Variants in PLCG2 observed in about 807,000 individuals in gnomAD.
PLCG2 encodes phospholipase C gamma 2, also known as 1-phosphatidylinositol 4,5-bisphosphate phosphodiesterase gamma-2.
In PLCG2, 69 loss-of-function variants were observed where a neutral mutation model predicts 175.6. That is an observed-to-expected ratio of 0.39 (90% confidence interval 0.32 to 0.48). PLCG2 has a LOEUF of 0.48. Ranked by LOEUF, PLCG2 falls within the 20% of genes least tolerant of loss-of-function variation. The pLI is 0.91. For synonymous variants in PLCG2, 827 were observed against 624.0 expected, an observed-to-expected ratio of 1.33 and a Z score of -4.85; for missense variants, 1,798 against 1,650.9, an observed-to-expected ratio of 1.09 and a Z score of -1.54.
intron 29 of PLCG2, among the ~76,000 whole-genome samples, chr16:81,939,158 C>A (rs1163958127): frequency 6.6e-6 from 1 of 152,124 alleles, no homozygotes; most frequent in East Asian, 1.9e-4. Context: ...GTAGGTGAGG[C>A]CCTGACACTA....
chr16:81,746,879 T>C (rs1409891021), intron 1 of PLCG2, among the ~76,000 whole-genome samples: 1 of 152,110 alleles, frequency 6.6e-6, no homozygotes, highest in Non-Finnish European at 1.5e-5. Context: ...TGAATTCTGC[T>C]CCAGGAGAGC....
Position 81,817,881 on chromosome 16 carries a change from A to C in PLCG2, c.193+31699A>C, listed in dbSNP as rs142502547. Among the ~76,000 whole-genome samples, 10 of 152,364 alleles carry C rather than the reference A, an allele frequency of 6.6e-5. No homozygotes were observed. In the East Asian group the frequency reaches 1.9e-3, roughly 29 times the overall value. ...ATGAGACAAGCTCCCTGTGCTTATG[A>C]ACATGTTCTCACGTTCCTTACTGTT... On this transcript the variant is annotated intron_variant, in intron 2 of 32. Transcript: ENST00000564138.
At chr16:81,946,607 G>T (rs1443150042) in intron 31 of PLCG2, among the ~76,000 whole-genome samples, 2 of 152,096 alleles carry the variant, frequency 1.3e-5, no homozygotes, top group African/African-American at 4.8e-5. Flanking sequence ...TTTGGTGCCA[G>T]TGCATCTTTA....
At position 81,866,978 on chromosome 16, in the gene PLCG2, G is replaced by A. The variant is rs74923230; in HGVS notation, c.480-2236G>A. Among the ~76,000 whole-genome samples, 1,302 of 152,362 alleles carry A rather than the reference G, an allele frequency of 8.5e-3. 10 individuals carry two copies. Among genetic ancestry groups the A allele is most frequent in the Middle Eastern group, 0.041 (12 of 294 alleles). On this transcript the variant is annotated intron_variant, in intron 5 of 32. Transcript: ENST00000564138. ...CGCTGTGCCCAGCCAGCCCCAGCTGGCCCAACAGGGACTTTTTCTGCCCTC... is the reference window on the plus strand; with the variant it reads ...CGCTGTGCCCAGCCAGCCCCAGCTGACCCAACAGGGACTTTTTCTGCCCTC...
At chr16:81,758,049 C>G (rs932212432) in intron 2 of PLCG2, among the ~76,000 whole-genome samples, 2 of 152,216 alleles carry the variant, frequency 1.3e-5, no homozygotes, top group African/African-American at 4.8e-5. Flanking sequence ...GATCTCAGCT[C>G]TCTGCAGCTT....
At chr16:81,765,980 A>G (rs1321080453) in intron 2 of PLCG2, among the ~76,000 whole-genome samples, 1 of 152,146 alleles carries the variant, frequency 6.6e-6, no homozygotes, top group African/African-American at 2.4e-5. Context: ...GAGTCACAAG[A>G]CACTGATGTG....
chr16:81,889,082 G>A, intron 9 of PLCG2, 90 bp from the exon 10 acceptor site: 1 of 749,022 alleles, frequency 1.3e-6, no homozygotes, highest in South Asian at 1.7e-5. Context: ...TGATGTTTCA[G>A]TCTTCGATTG....
chr16:81,879,567 G>A (rs976380230), intron 7 of PLCG2, among the ~76,000 whole-genome samples: 1 of 152,118 alleles, frequency 6.6e-6, no homozygotes, highest in African/African-American at 2.4e-5. Context: ...TAGTCCCCAT[G>A]ACGTCCTGGG....
chr16:81,863,167 A>G (rs1907066133), intron 5 of PLCG2, among the ~76,000 whole-genome samples: 4 of 152,104 alleles, frequency 2.6e-5, no homozygotes, highest in Admixed American at 2.6e-4. Flanking sequence ...TATCATCTCA[A>G]ACTGAGGCTC....
intron 2 of PLCG2, 112 bp downstream of exon 2, chr16:81,786,294 C>T: frequency 1.2e-6 from 1 of 855,496 alleles, no homozygotes. Context: ...TTGATGTGTT[C>T]TTTTATTCGT....
At chr16:81,856,558 T>G (rs1906692618) in intron 3 of PLCG2, among the ~76,000 whole-genome samples, 1 of 152,190 alleles carries the variant, frequency 6.6e-6, no homozygotes, top group Non-Finnish European at 1.5e-5. Context: ...GCAGGGGAGA[T>G]ACTGACAGCT....
chr16:81,915,090 G>A (rs1439131454), intron 19 of PLCG2, among the ~76,000 whole-genome samples: 1 of 152,230 alleles, frequency 6.6e-6, no homozygotes, highest in Non-Finnish European at 1.5e-5. Flanking sequence ...GAGAAGCACT[G>A]AGGAGGTTTG....
intron 2 of PLCG2, among the ~76,000 whole-genome samples, chr16:81,809,530 C>A (rs1351225668): frequency 1.3e-5 from 2 of 152,154 alleles, no homozygotes; most frequent in African/African-American, 4.8e-5. Flanking sequence ...TGGGATAGCC[C>A]CCAAATAAAC....
intron 29 of PLCG2, 61 bp from the exon 30 acceptor site, chr16:81,939,831 T>C (rs1004403486): frequency 1.9e-5 from 22 of 1,129,102 alleles, no homozygotes; most frequent in Non-Finnish European, 2.7e-5. Flanking sequence ...GATGCGGAGA[T>C]TGTCTTACCA....
intron 22 of PLCG2, among the ~76,000 whole-genome samples, chr16:81,924,033 T>C (rs955388157): frequency 6.6e-6 from 1 of 152,242 alleles, no homozygotes; most frequent in Non-Finnish European, 1.5e-5. Flanking sequence ...TACACAAGAC[T>C]GTGTGTTATT....
At chr16:81,760,080 C>G (rs1275056981) in intron 2 of PLCG2, among the ~76,000 whole-genome samples, 1 of 152,162 alleles carries the variant, frequency 6.6e-6, no homozygotes, top group African/African-American at 2.4e-5. Flanking sequence ...GAGCCGAGAT[C>G]GCGCCACTGC....
chr16:81,889,631 G>A (rs149891518), intron 10 of PLCG2, among the ~76,000 whole-genome samples: 2 of 151,818 alleles, frequency 1.3e-5, no homozygotes, highest in African/African-American at 2.4e-5. Context: ...CTGGAGTTTC[G>A]TTTTTTTATG....
chr16:81,769,489 C>T (rs1910226184), intron 2 of PLCG2, among the ~76,000 whole-genome samples: 1 of 152,104 alleles, frequency 6.6e-6, no homozygotes, highest in African/African-American at 2.4e-5. Flanking sequence ...GGTGAGAGTC[C>T]TCTGTAGAAG....
chr16:81,861,470 G>A (rs965023441), intron 5 of PLCG2, among the ~76,000 whole-genome samples: 1 of 152,206 alleles, frequency 6.6e-6, no homozygotes, highest in Non-Finnish European at 1.5e-5. Context: ...GTCTAGTAAT[G>A]TTAGGTCAGC....
Sources: gnomAD v4.1 joint callset for allele counts (sites outside exome capture counted in the v4.1 genomes callset) on GRCh38, gnomAD v4.1.1 for gene constraint, MANE v1.5 for transcripts, NCBI Gene and HGNC (gene_info 2026-07-23, HGNC 2026-07-21) for gene names.